Variants in WNT3 observed in about 807,000 individuals in gnomAD.
WNT3 encodes proto-oncogene Wnt-3.
A neutral mutation model predicts 34.2 loss-of-function variants in WNT3; 7 were observed. The ratio of observed to expected loss-of-function variants is 0.20; its 90% confidence interval spans 0.12 to 0.38. The LOEUF (loss-of-function observed/expected upper bound fraction) is 0.38. WNT3 is among the 10% of genes least tolerant of loss of function. The pLI is 1.00. For missense variants in WNT3, 267 were observed against 499.8 expected (o/e 0.53, Z 4.44); for synonymous variants, 212 against 211.5 (o/e 1.00, Z -0.02).
intron 1 of WNT3, among the ~76,000 whole-genome samples, chr17:46,804,068 T>C (rs540986197): frequency 6.6e-6 from 1 of 152,076 alleles, no homozygotes; most frequent in African/African-American, 2.4e-5. Flanking sequence ...TTGACCTTGA[T>C]CCTGCTCTTC....
intron 1 of WNT3, among the ~76,000 whole-genome samples, chr17:46,788,608 A>G (rs548567013): frequency 2.5e-4 from 38 of 152,224 alleles, no homozygotes; most frequent in Middle Eastern, 3.2e-3. Context: ...TACATCCGTC[A>G]CAGGTAACCT....
chr17:46,779,053 TCACACACACACACACA>T lies in WNT3; in HGVS notation c.81-5160_81-5145del, dbSNP rs56965619. Among the ~76,000 whole-genome samples, 48 of 100,658 alleles carry T rather than the reference TCACACACACACACACA, an allele frequency of 4.8e-4. 1 individual carries two copies. Among genetic ancestry groups the T allele is most frequent in the South Asian group, 2.8e-3 (7 of 2,490 alleles). The allele number at this position is 100,658 out of a possible 152,430, so 66.0% of individuals were successfully genotyped here. ...CAGTTATTCCCCGGTCCCTACCCCA[TCACACACACACACACA>T]CACACACACACACACACACACACAC... On this transcript the variant is annotated intron_variant, in intron 1 of 4. Transcript: ENST00000225512.
At chr17:46,817,594 C>A (rs964593472) in intron 1 of WNT3, among the ~76,000 whole-genome samples, 6 of 152,160 alleles carry the variant, frequency 3.9e-5, no homozygotes, top group Admixed American at 1.3e-4. Context: ...GCTCCCAAAG[C>A]GATGTTTATT....
chr17:46,796,036 G>T (rs2084049682), intron 1 of WNT3, among the ~76,000 whole-genome samples: 1 of 152,112 alleles, frequency 6.6e-6, no homozygotes. Flanking sequence ...TCAGTAAAAA[G>T]AAACAGAGGA....
intron 1 of WNT3, among the ~76,000 whole-genome samples, chr17:46,792,750 G>A (rs1271034592): frequency 6.6e-6 from 1 of 152,184 alleles, no homozygotes; most frequent in Non-Finnish European, 1.5e-5. Flanking sequence ...GGGACTACAG[G>A]TGTGAGCCAT....
intron 1 of WNT3, among the ~76,000 whole-genome samples, chr17:46,805,353 A>G (rs1188258015): frequency 6.6e-6 from 1 of 152,160 alleles, no homozygotes; most frequent in Non-Finnish European, 1.5e-5. Flanking sequence ...TGGGCGGGTC[A>G]CCTGAGGTCA....
At chr17:46,811,679 G>C (rs939366034) in intron 1 of WNT3, among the ~76,000 whole-genome samples, 9 of 152,348 alleles carry the variant, frequency 5.9e-5, no homozygotes, top group Admixed American at 2.0e-4. Flanking sequence ...CTCTGGCTGG[G>C]TGCGGTGGCT....
intron 1 of WNT3, among the ~76,000 whole-genome samples, chr17:46,798,771 T>G (rs547946652): frequency 6.6e-6 from 1 of 152,096 alleles, no homozygotes; most frequent in East Asian, 1.9e-4. Context: ...CCTGATAGGC[T>G]GGGCGCAGTG....
intron 1 of WNT3, among the ~76,000 whole-genome samples, chr17:46,783,923 T>C (rs1242777755): frequency 6.6e-6 from 1 of 152,172 alleles, no homozygotes. Context: ...AATATCATCC[T>C]GTTAGTTATG....
At chr17:46,771,317 C>T (rs950255777) in intron 2 of WNT3, among the ~76,000 whole-genome samples, 5 of 152,102 alleles carry the variant, frequency 3.3e-5, no homozygotes, top group African/African-American at 1.2e-4. Context: ...GGGTCCCAGC[C>T]GCGCCGCTCA....
chr17:46,805,012 G>C (rs996484626), intron 1 of WNT3, among the ~76,000 whole-genome samples: 1 of 146,770 alleles, frequency 6.8e-6, no homozygotes, highest in Non-Finnish European at 1.5e-5. Context: ...GATAACTCTT[G>C]CTGTTGCTCA....
rs535400823 is a variant in WNT3, at chr17:46,772,966, AGCT to A, written c.322+699_322+701del. ...TCCTGGACACTGCCGTTCCACAAAG[AGCT>A]GCCCATCTTCCACCCAGTCCATGAG... is the stretch of plus-strand genomic sequence containing the variant. On this transcript the variant is annotated intron_variant, in intron 2 of 4. Coordinates refer to ENST00000225512, the MANE Select transcript of WNT3 (RefSeq NM_030753.5). 1.5e-3 allele frequency among the ~76,000 whole-genome samples: 228 copies of A among 152,234 alleles called. 1 individual carries two copies. Among genetic ancestry groups the A allele is most frequent in the African/African-American group, 5.1e-3 (213 of 41,530 alleles).
chr17:46,802,983 C>T (rs1319793294), intron 1 of WNT3, among the ~76,000 whole-genome samples: 1 of 152,194 alleles, frequency 6.6e-6, no homozygotes, highest in East Asian at 1.9e-4. Context: ...GTAAAGCAGC[C>T]TGGGGCTTGG....
In WNT3 at chr17:46,779,103, A is replaced by ACACCCCCC. The variant is rs749719578; in HGVS notation, c.81-5195_81-5194insGGGGGGTG. 2.2e-4 allele frequency among the ~76,000 whole-genome samples: 30 copies of ACACCCCCC among 133,654 alleles called. No homozygotes were observed. In the East Asian group the frequency reaches 3.1e-3, roughly 14 times the overall value. The allele number at this position is 133,654 out of a possible 152,430, so 87.7% of individuals were successfully genotyped here. On this transcript the variant is annotated intron_variant, in intron 1 of 4. Coordinates refer to ENST00000225512, the MANE Select transcript of WNT3 (RefSeq NM_030753.5). Reference sequence around the variant, plus strand: ...CACACACACACACACACACACACACACCCCAGCCCACTCGGCCTTCCAAAG... The same window carrying ACACCCCCC: ...CACACACACACACACACACACACACACACCCCCCCCCCAGCCCACTCGGCCTTCCAAAG...
chr17:46,781,376 A>G (rs1046321436), intron 1 of WNT3, among the ~76,000 whole-genome samples: 12 of 151,986 alleles, frequency 7.9e-5, no homozygotes, highest in African/African-American at 2.7e-4. Context: ...CTAGGTAAAG[A>G]CACGCCAGCT....
At chr17:46,813,308 A>C (rs1005593671) in intron 1 of WNT3, among the ~76,000 whole-genome samples, 2 of 151,738 alleles carry the variant, frequency 1.3e-5, no homozygotes, top group Non-Finnish European at 2.9e-5. Context: ...GACTTGAATG[A>C]AGCCCAGAGA....
At chr17:46,791,623 C>A (rs1699045556) in intron 1 of WNT3, among the ~76,000 whole-genome samples, 1 of 152,230 alleles carries the variant, frequency 6.6e-6, no homozygotes, top group South Asian at 2.1e-4. Flanking sequence ...CCAGGCCAGG[C>A]ATGCCCTGGT....
intron 1 of WNT3, among the ~76,000 whole-genome samples, chr17:46,778,255 C>T (rs2059428720): frequency 1.3e-5 from 2 of 152,182 alleles, no homozygotes; most frequent in Admixed American, 1.3e-4. Context: ...GAAAGGATGC[C>T]TGGATCAGAC....
rs563214454 is a variant in WNT3 at position 46,816,592 on chromosome 17, T to C, written c.80+1926A>G. On this transcript the variant is annotated intron_variant, in intron 1 of 4. Transcript: ENST00000225512. ...CAAACAAGCCATGTGTCTAGCATTA[T>C]GTTAGGGCCAATGTCTTGACCTTCC... Among the ~76,000 whole-genome samples the C allele has an allele frequency of 2.0e-5, 3 of 152,288 alleles. No homozygotes were observed. In the East Asian group the frequency reaches 5.8e-4, roughly 29 times the overall value.
Sources: gnomAD v4.1 joint callset for allele counts (sites outside exome capture counted in the v4.1 genomes callset) on GRCh38, gnomAD v4.1.1 for gene constraint, MANE v1.5 for transcripts, NCBI Gene and HGNC (gene_info 2026-07-23, HGNC 2026-07-21) for gene names.